Variants in POLR1C observed in about 807,000 individuals in gnomAD.
POLR1C encodes the protein RNA polymerase I and III subunit C.
In POLR1C, 42 loss-of-function variants were observed where a neutral mutation model predicts 38.3. The observed-to-expected ratio is 1.10, with a 90% CI of 0.86 to 1.42. The LOEUF (loss-of-function observed/expected upper bound fraction) is 1.42, where lower values mean the gene tolerates loss of function less well. POLR1C is among the 40% of genes most tolerant of loss of function. The pLI, the probability that POLR1C is intolerant of heterozygous loss-of-function variation, is 0.00. For missense variants in POLR1C, 507 were observed against 450.5 expected, an observed-to-expected ratio of 1.13 and a Z score of -1.14; for synonymous variants, 163 against 163.9, an observed-to-expected ratio of 0.99 and a Z score of 0.04.
At chr6:43,524,553 T>C (rs1793425497), downstream of POLR1C, 1 of 1,613,968 alleles carries the variant, frequency 6.2e-7, no homozygotes, top group Non-Finnish European at 8.5e-7. Flanking sequence ...GTTTAAAAGC[T>C]TGCAGTCAAA....
intron 9 of POLR1C, among the ~76,000 whole-genome samples, chr6:43,537,106 A>G (rs545294777): frequency 2.6e-5 from 4 of 151,672 alleles, no homozygotes; most frequent in East Asian, 1.9e-4. Context: ...AGCTGGGACT[A>G]TAAGTGTGCA....
chr6:43,526,176 C>A (rs1793576099), downstream of POLR1C: 2 of 486,826 alleles, frequency 4.1e-6, no homozygotes, highest in Non-Finnish European at 7.4e-6. Flanking sequence ...ACTGAAGTTA[C>A]TTTGTTGTTG....
At chr6:43,525,285 A>G (rs564348795), downstream of POLR1C, 125 of 1,401,872 alleles carry the variant, frequency 8.9e-5, no homozygotes, top group African/African-American at 1.7e-3. Context: ...ATTACACATC[A>G]GGAGCCGGAG....
intron 9 of POLR1C, among the ~76,000 whole-genome samples, chr6:43,545,734 C>A (rs984522409): frequency 1.3e-4 from 20 of 151,582 alleles, no homozygotes; most frequent in Non-Finnish European, 2.7e-4. Context: ...AAAAAAAAAA[C>A]CAATCCTGTG....
chr6:43,558,095 C>CA (rs112872524), intron 10 of POLR1C, among the ~76,000 whole-genome samples: 14,876 of 133,782 alleles, frequency 0.11, 1,513 homozygotes, highest in African/African-American at 0.28. Flanking sequence ...AACTCCATCT[C>CA]AAAAAAAAAA....
At chr6:43,551,957 G>A (rs1256595266) in intron 10 of POLR1C, among the ~76,000 whole-genome samples, 2 of 152,082 alleles carry the variant, frequency 1.3e-5, no homozygotes, top group Admixed American at 6.5e-5. Flanking sequence ...GTGAACCACC[G>A]TACTCAGCTG....
At chr6:43,531,169 G>A (rs562593858), downstream of POLR1C, among the ~76,000 whole-genome samples, 220 of 152,276 alleles carry the variant, frequency 1.4e-3, 1 homozygote, top group African/African-American at 4.8e-3. Context: ...GAAGTATGCC[G>A]CAAGCAGTGT....
chr6:43,547,592 C>T, intron 9 of POLR1C: 3 of 1,611,788 alleles, frequency 1.9e-6, no homozygotes, highest in Non-Finnish European at 2.5e-6. Context: ...ACTTCCCATT[C>T]CCAGGAAAGT....
chr6:43,522,702 C>T (rs747323669), downstream of POLR1C: 8 of 498,590 alleles, frequency 1.6e-5, no homozygotes, highest in South Asian at 6.0e-5. Context: ...CTTCGGCTCT[C>T]GGGGAAACCC....
downstream of POLR1C, chr6:43,522,803 G>T: frequency 2.5e-6 from 1 of 399,882 alleles, no homozygotes; most frequent in Non-Finnish European, 5.5e-6. Context: ...CTGCCTTACG[G>T]CCAGTAATAA....
downstream of POLR1C, chr6:43,525,199 G>C (rs1253297016): frequency 6.3e-7 from 1 of 1,578,144 alleles, no homozygotes. Context: ...GTAATTAATA[G>C]CGCTGTACAA....
chr6:43,540,590 T>C (rs1365064317), intron 9 of POLR1C, among the ~76,000 whole-genome samples: 1 of 152,112 alleles, frequency 6.6e-6, no homozygotes, highest in Non-Finnish European at 1.5e-5. Flanking sequence ...GAGGTAGAGG[T>C]TGAAGTGAGC....
At chr6:43,526,006 G>A, downstream of POLR1C, 1 of 1,484,312 alleles carries the variant, frequency 6.7e-7, no homozygotes, top group Non-Finnish European at 9.2e-7. Context: ...AAAAAACAAA[G>A]CAAAGCTGAG....
exon 11 of POLR1C, chr6:43,561,535 C>G (rs1239324155): frequency 6.5e-6 from 1 of 153,262 alleles, no homozygotes; most frequent in East Asian, 1.9e-4. Flanking sequence ...TGCACCACCA[C>G]GCCTGGCTAA....
At chr6:43,536,787 A>AAAAAAG (rs1561869430) in intron 9 of POLR1C, among the ~76,000 whole-genome samples, 5 of 148,472 alleles carry the variant, frequency 3.4e-5, no homozygotes, top group African/African-American at 1.3e-4. Context: ...AAAAAAAAAA[A>AAAAAAG]AAAGCAGCTT....
chr6:43,525,297 G>A (rs1793500684), downstream of POLR1C: 7 of 1,076,094 alleles, frequency 6.5e-6, no homozygotes, highest in Non-Finnish European at 7.6e-6. Context: ...GAGCCGGAGG[G>A]TTTTTTTTTT....
At chr6:43,545,850 A>G (rs1342057314) in intron 9 of POLR1C, among the ~76,000 whole-genome samples, 5 of 152,224 alleles carry the variant, frequency 3.3e-5, no homozygotes, top group Non-Finnish European at 5.9e-5. Context: ...CTAGTAACTG[A>G]TAAGCCTATA....
intron 9 of POLR1C, among the ~76,000 whole-genome samples, chr6:43,543,165 G>A (rs1453176979): frequency 2.6e-5 from 4 of 152,264 alleles, no homozygotes; most frequent in Non-Finnish European, 5.9e-5. Flanking sequence ...TGGACAAAAT[G>A]TTAAAAGTCA....
chr6:43,555,496 G>C (rs1309004205), intron 10 of POLR1C: 1 of 180,818 alleles, frequency 5.5e-6, no homozygotes, highest in Non-Finnish European at 1.2e-5. Context: ...TGGCTGAAAA[G>C]TTTTAAAGTT....
Sources: gnomAD v4.1 joint callset for allele counts (sites outside exome capture counted in the v4.1 genomes callset) on GRCh38, gnomAD v4.1.1 for gene constraint, MANE v1.5 for transcripts, NCBI Gene and HGNC (gene_info 2026-07-23, HGNC 2026-07-21) for gene names.